CDH13: variants seen among roughly 807,000 people sequenced by gnomAD.
CDH13 encodes the protein cadherin-13.
A neutral mutation model predicts 63.8 loss-of-function variants in CDH13; 24 were observed. That is an observed-to-expected ratio of 0.38 (90% CI 0.27 to 0.53). The LOEUF (loss-of-function observed/expected upper bound fraction) is 0.53, where lower values mean the gene tolerates loss of function less well. Among genes scored for constraint, CDH13 ranks in the 20% least tolerant of loss-of-function variants. The pLI, the probability that CDH13 is intolerant of heterozygous loss-of-function variation, is 0.85. For synonymous variants in CDH13, 503 were observed against 355.3 expected (o/e 1.42, Z -4.67); for missense variants, 1,049 against 903.1 (o/e 1.16, Z -2.07).
chr16:83,182,980 A>C (rs1388579329), intron 4 of CDH13, among the ~76,000 whole-genome samples: 1 of 152,128 alleles, frequency 6.6e-6, no homozygotes, highest in African/African-American at 2.4e-5. Flanking sequence ...TTTGATTCAC[A>C]GTAAAAAAGA....
At position 83,244,458 on chromosome 16, in the gene CDH13, C is replaced by G. The variant is rs151234351; in HGVS notation, c.636+26961C>G. Among the ~76,000 whole-genome samples, 135 of 152,304 alleles carry G rather than the reference C, an allele frequency of 8.9e-4. 1 individual carries two copies. Among genetic ancestry groups the G allele is most frequent in the African/African-American group, 2.9e-3 (119 of 41,580 alleles). On this transcript the variant is annotated intron_variant, in intron 5 of 13. Transcript: ENST00000567109. ...CTATTATGTATAGATGCCATCTTAT[C>G]TGTCAGAAACTGTGCTCGGTGTTTA...
At chr16:83,355,999 G>C (rs748087497) in intron 6 of CDH13, among the ~76,000 whole-genome samples, 1 of 152,110 alleles carries the variant, frequency 6.6e-6, no homozygotes, top group Non-Finnish European at 1.5e-5. Context: ...AGGTGACTCC[G>C]CCGTGGTCAC....
chr16:82,795,297 G>C lies in CDH13; in HGVS notation c.46-63065G>C, dbSNP rs2036527737. 2.6e-5 allele frequency among the ~76,000 whole-genome samples: 4 copies of C among 152,298 alleles called. No individual in the cohort carries two copies. In the Middle Eastern group the frequency reaches 0.014, roughly 518 times the overall value. The stretch of plus-strand genomic sequence containing the variant: ...AAATCAAGGGTGCTGAGTAAACTCA[G>C]CCTCAGTGGACCACCTGTGTGAGTT... On this transcript the variant is annotated intron_variant, in intron 1 of 13. Coordinates refer to ENST00000567109, the MANE Select transcript of CDH13 (RefSeq NM_001257.5).
intron 1 of CDH13, among the ~76,000 whole-genome samples, chr16:82,653,626 G>A (rs911589618): frequency 1.3e-5 from 2 of 152,188 alleles, no homozygotes; most frequent in African/African-American, 4.8e-5. Flanking sequence ...GTGCAGGGCT[G>A]CAGGGGTAGG....
intron 7 of CDH13, among the ~76,000 whole-genome samples, chr16:83,526,548 C>G (rs560184959): frequency 6.6e-6 from 1 of 152,308 alleles, no homozygotes; most frequent in Non-Finnish European, 1.5e-5. Flanking sequence ...TGACAGGATA[C>G]CGAGCTCAGA....
intron 7 of CDH13, among the ~76,000 whole-genome samples, chr16:83,589,929 T>C (rs1395387095): frequency 7.0e-6 from 1 of 141,962 alleles, no homozygotes; most frequent in Admixed American, 7.1e-5. Flanking sequence ...GATTGTTTCC[T>C]GGGGCTTAGG....
At chr16:83,049,276 A>G (rs1022913395) in intron 3 of CDH13, among the ~76,000 whole-genome samples, 1 of 149,866 alleles carries the variant, frequency 6.7e-6, no homozygotes, top group African/African-American at 2.5e-5. Context: ...CTATTTTTAT[A>G]TATAATATAA....
intron 3 of CDH13, among the ~76,000 whole-genome samples, chr16:83,119,882 A>T (rs1437250072): frequency 7.2e-5 from 11 of 152,226 alleles, no homozygotes; most frequent in Admixed American, 7.2e-4. Context: ...ACACTTGGCC[A>T]CAAACACATA....
intron 7 of CDH13, among the ~76,000 whole-genome samples, chr16:83,490,673 G>C (rs779636884): frequency 3.3e-5 from 5 of 152,184 alleles, no homozygotes; most frequent in African/African-American, 7.2e-5. Context: ...TAGCACATGA[G>C]AGATGCTCAA....
chr16:82,671,527 A>G (rs1479014502), intron 1 of CDH13, among the ~76,000 whole-genome samples: 1 of 152,236 alleles, frequency 6.6e-6, no homozygotes, highest in African/African-American at 2.4e-5. Context: ...TACCTTCAAT[A>G]TCAAAGCAGA....
intron 2 of CDH13, among the ~76,000 whole-genome samples, chr16:82,935,807 C>A (rs1240287795): frequency 6.6e-6 from 1 of 152,042 alleles, no homozygotes; most frequent in East Asian, 1.9e-4. Flanking sequence ...AAATTTAGGT[C>A]ATGGACACAC....
chr16:83,212,601 A>C (rs2039372059), intron 4 of CDH13, among the ~76,000 whole-genome samples: 1 of 152,316 alleles, frequency 6.6e-6, no homozygotes, highest in South Asian at 2.1e-4. Flanking sequence ...GTCTAGAAAG[A>C]AGGTGGCAAA....
intron 1 of CDH13, among the ~76,000 whole-genome samples, chr16:82,662,308 C>A (rs1299538483): frequency 6.6e-6 from 1 of 150,704 alleles, no homozygotes; most frequent in Non-Finnish European, 1.5e-5. Context: ...AAATTGTCGG[C>A]ATTAGTTACC....
intron 5 of CDH13, among the ~76,000 whole-genome samples, chr16:83,292,497 G>C (rs1000501035): frequency 4.6e-5 from 7 of 151,962 alleles, no homozygotes; most frequent in Non-Finnish European, 1.0e-4. Flanking sequence ...AGCAGCTTTG[G>C]GCCACAGCGA....
chr16:83,232,165 G>A (rs148367414), intron 5 of CDH13, among the ~76,000 whole-genome samples: 1 of 142,412 alleles, frequency 7.0e-6, no homozygotes, highest in Non-Finnish European at 1.5e-5. Flanking sequence ...AAGTTTGCCT[G>A]TGTAACAAGC....
intron 6 of CDH13, among the ~76,000 whole-genome samples, chr16:83,354,325 A>C (rs1347033543): frequency 6.6e-6 from 1 of 152,228 alleles, no homozygotes; most frequent in East Asian, 1.9e-4. Flanking sequence ...AACATTTATA[A>C]TTTCGGGGAA....
intron 2 of CDH13, among the ~76,000 whole-genome samples, chr16:82,957,551 T>G (rs1906301554): frequency 6.6e-6 from 1 of 152,184 alleles, no homozygotes. Flanking sequence ...ACCCATAACA[T>G]GTACACGCCC....
At chr16:83,266,797 C>G (rs181665759) in intron 5 of CDH13, among the ~76,000 whole-genome samples, 1 of 152,152 alleles carries the variant, frequency 6.6e-6, no homozygotes, top group African/African-American at 2.4e-5. Flanking sequence ...TTCTGGAATC[C>G]TCTCTTTTCC....
chr16:83,349,153 T>C (rs2090900065), intron 6 of CDH13, among the ~76,000 whole-genome samples: 1 of 152,154 alleles, frequency 6.6e-6, no homozygotes, highest in Non-Finnish European at 1.5e-5. Context: ...AACATAATGG[T>C]CTTTGACTTT....
Sources: gnomAD v4.1 joint callset for allele counts (sites outside exome capture counted in the v4.1 genomes callset) on GRCh38, gnomAD v4.1.1 for gene constraint, MANE v1.5 for transcripts, NCBI Gene and HGNC (gene_info 2026-07-23, HGNC 2026-07-21) for gene names.